Variants in SASH3 observed in about 807,000 individuals in gnomAD.
SASH3 encodes the protein SAM and SH3 domain containing 3, also known as SAM and SH3 domain-containing protein 3.
In SASH3, 7 loss-of-function variants were observed where a neutral mutation model predicts 26.1. The observed-to-expected ratio is 0.27, with a 90% CI of 0.15 to 0.50. SASH3 has a LOEUF of 0.50. Among genes scored for constraint, SASH3 ranks in the 20% least tolerant of loss-of-function variants. The pLI is 0.98. For missense variants in SASH3, 231 were observed against 318.3 expected (o/e 0.73, Z 2.09); for synonymous variants, 138 against 136.8 (o/e 1.01, Z -0.06).
At chrX:129,788,137 G>GGGGGGGGGGGGGGGGGGGGGGGGCTGGC in intron 2 of SASH3, 67 bp downstream of exon 2, 2 of 354,275 alleles carry the variant, frequency 5.6e-6, no homozygotes, top group Non-Finnish European at 5.4e-6. Context: ...GGGTGGGAGG[G>GGGGGGGGGGGGGGGGGGGGGGGGCTGGC]AAGAGGGTGA....
chrX:129,783,868 G>C (rs1187222901), intron 1 of SASH3, among the ~76,000 whole-genome samples: 2 of 111,843 alleles, frequency 1.8e-5, no homozygotes, highest in Admixed American at 9.5e-5. Context: ...GGACCTCTGA[G>C]AGATTGATCA....
intron 4 of SASH3, among the ~76,000 whole-genome samples, chrX:129,791,694 G>T (rs945796010): frequency 1.8e-5 from 2 of 112,062 alleles, no homozygotes; most frequent in African/African-American, 6.5e-5. Context: ...TGCCCCTCAA[G>T]TCCACTCCAA....
At chrX:129,788,137 G>GGGGGTGGC in intron 2 of SASH3, 67 bp downstream of exon 2, 3 of 354,258 alleles carry the variant, frequency 8.5e-6, no homozygotes, top group East Asian at 6.3e-5. Flanking sequence ...GGGTGGGAGG[G>GGGGGTGGC]AAGAGGGTGA....
intron 3 of SASH3, among the ~76,000 whole-genome samples, chrX:129,789,529 C>T (rs1219659718): frequency 1.8e-5 from 2 of 110,832 alleles, no homozygotes; most frequent in African/African-American, 3.3e-5. Flanking sequence ...CCCAGATACT[C>T]GGGAGGCTAA....
chrX:129,780,037 A>C lies in SASH3; in HGVS notation c.-61A>C. On this transcript the variant is annotated 5_prime_UTR_variant, in exon 1 of 8. Coordinates refer to ENST00000356892, the MANE Select transcript of SASH3 (RefSeq NM_018990.4). ...CGGGCAGTTCTGGTGAGGCTAAGCA[A>C]GAGGCCTCTGCATCTTGACACCTAG... The C allele has an allele frequency of 1.8e-6, 2 of 1,113,088 alleles. No individual in the cohort carries two copies. Among genetic ancestry groups the C allele is most frequent in the Non-Finnish European group, 2.5e-6 (2 of 807,618 alleles). The allele number at this position is 1,113,088 out of a possible 1,213,427, so 91.7% of individuals were successfully genotyped here. A position where few individuals can be genotyped will look rare whatever the true frequency, so the allele number is the denominator to read the frequency against.
At position 129,790,990 on chromosome X, in the gene SASH3, C is replaced by T. The variant is rs773595900; in HGVS notation, c.351C>T (p.Ser117=). 5.0e-6 allele frequency: 6 copies of T among 1,208,880 alleles called. No individual in the cohort carries two copies. The part of the protein sequence containing the change: ...GSASPTSPDY[S]LDSPGPEKMA... ...CCTCCCCGACATCTCCAGACTACAG[C>T]CTGGACAGCCCTGGCCCTGAGAAGA... Residue 117 remains serine, a synonymous_variant, in exon 4 of 8, where the codon AGC becomes AGT. Transcript: ENST00000356892.
At chrX:129,783,614 G>A (rs898305802) in intron 1 of SASH3, among the ~76,000 whole-genome samples, 3 of 112,185 alleles carry the variant, frequency 2.7e-5, no homozygotes, top group African/African-American at 9.7e-5. Context: ...AATATGATGC[G>A]GGGCTGCGAT....
At chrX:129,790,377 G>C (rs1488820457) in intron 3 of SASH3, among the ~76,000 whole-genome samples, 2 of 109,931 alleles carry the variant, frequency 1.8e-5, no homozygotes, top group African/African-American at 6.6e-5. Context: ...GTGAGGTAGG[G>C]GGAGCTCTGG....
In SASH3 at chrX:129,780,257, G is replaced by A. The variant is rs1485365905; in HGVS notation, c.57+103G>A. ...GGAAGAGCCAAAGGCCATATGTTGAGTCTGTAGGTGAGGGCCACTCACCTA... is the reference window on the plus strand; with the variant it reads ...GGAAGAGCCAAAGGCCATATGTTGAATCTGTAGGTGAGGGCCACTCACCTA... On this transcript the variant is annotated intron_variant, in intron 1 of 7. Coordinates refer to ENST00000356892, the MANE Select transcript of SASH3 (RefSeq NM_018990.4). 8 of 770,626 alleles carry A rather than the reference G, an allele frequency of 1.0e-5. No homozygotes were observed. The East Asian group carries it at 1.4e-4, about 13-fold the overall frequency. The allele number at this position is 770,626 out of a possible 1,213,427, so 63.5% of individuals were successfully genotyped here.
At chrX:129,783,133 A>G (rs1927046199) in intron 1 of SASH3, among the ~76,000 whole-genome samples, 1 of 111,325 alleles carries the variant, frequency 9.0e-6, no homozygotes, top group African/African-American at 3.3e-5. Flanking sequence ...CTCACTGCCC[A>G]CAGGATACAT....
Position 129,780,036 on chromosome X carries a change from A to C in SASH3, c.-62A>C. 1 of 1,131,709 alleles carries C rather than the reference A, an allele frequency of 8.8e-7. No homozygotes were observed. 93.3% of individuals were successfully genotyped at this position (1,131,709 alleles called of 1,213,427 possible). On this transcript the variant is annotated 5_prime_UTR_variant, in exon 1 of 8. Coordinates refer to ENST00000356892, the MANE Select transcript of SASH3 (RefSeq NM_018990.4). ...CCGGGCAGTTCTGGTGAGGCTAAGC[A>C]AGAGGCCTCTGCATCTTGACACCTA...
intron 2 of SASH3, 63 bp downstream of exon 2, chrX:129,788,133 G>GGGGGGGT: frequency 1.6e-5 from 5 of 312,627 alleles, no homozygotes; most frequent in East Asian, 1.6e-4. Flanking sequence ...GTGGGGGTGG[G>GGGGGGGT]AGGGAAGAGG....
rs377571667 is a variant in SASH3 at position 129,792,743 on chromosome X, C to T, written c.708C>T (p.Ala236=). ...ATGTGGATGTGCTGCCCGAGGAGGC[C>T]GTGGGGCATGCCCGCCCCAGCCGCC... ...FIYVDVLPEE[A]VGHARPSRRQ... Residue 236 remains alanine (A), a synonymous_variant, in exon 6 of 8, where the codon GCC becomes GCT. Coordinates refer to ENST00000356892, the MANE Select transcript of SASH3 (RefSeq NM_018990.4). 3.9e-5 allele frequency: 47 copies of T among 1,208,405 alleles called. No individual in the cohort carries two copies. Among genetic ancestry groups the T allele is most frequent in the South Asian group, 5.3e-5 (3 of 56,772 alleles).
At chrX:129,791,340 C>A (rs922707172) in intron 4 of SASH3, among the ~76,000 whole-genome samples, 1 of 112,071 alleles carries the variant, frequency 8.9e-6, no homozygotes, top group African/African-American at 3.2e-5. Flanking sequence ...CAGTCTTGAA[C>A]TCAGATGTAC....
intron 2 of SASH3, 91 bp downstream of exon 2, chrX:129,788,161 T>C (rs990114627): frequency 2.8e-6 from 2 of 720,487 alleles, no homozygotes; most frequent in Admixed American, 3.2e-5. Flanking sequence ...GGAGATAGAA[T>C]TGTTGGGGCG....
At chrX:129,787,266 G>A (rs1927125897) in intron 1 of SASH3, among the ~76,000 whole-genome samples, 1 of 112,603 alleles carries the variant, frequency 8.9e-6, no homozygotes, top group South Asian at 3.6e-4. Flanking sequence ...ACTATTGCCA[G>A]CTCATCACAT....
intron 3 of SASH3, among the ~76,000 whole-genome samples, chrX:129,789,161 GAAAGAGAAA>G (rs1927179212): frequency 3.3e-5 from 2 of 61,456 alleles, no homozygotes; most frequent in African/African-American, 8.7e-5. Context: ...AAGAAAGAAA[GAAAGAGAAA>G]AAAAAAAAAA....
intron 7 of SASH3, 44 bp downstream of exon 7, chrX:129,793,183 G>A (rs768492612): frequency 2.5e-5 from 30 of 1,195,581 alleles, no homozygotes; most frequent in Non-Finnish European, 2.8e-5. Flanking sequence ...TGTGCCCACC[G>A]GCATTCCAGG....
Position 129,790,887 on chromosome X carries a change from T to A in SASH3, c.301-53T>A, listed in dbSNP as rs1927216693. ...TAAGCCCAGGCCCATTTCTTCAGCT[T>A]CATGCACACCCCAGCAAGGCTCCTT... On this transcript the variant is annotated intron_variant, in intron 3 of 7. Coordinates refer to ENST00000356892, the MANE Select transcript of SASH3 (RefSeq NM_018990.4). 12 of 1,175,972 alleles carry A rather than the reference T, an allele frequency of 1.0e-5. No individual in the cohort carries two copies. In the South Asian group the frequency reaches 2.3e-4, roughly 23 times the overall value.
Sources: gnomAD v4.1 joint callset for allele counts (sites outside exome capture counted in the v4.1 genomes callset) on GRCh38, gnomAD v4.1.1 for gene constraint, MANE v1.5 for transcripts, NCBI Gene and HGNC (gene_info 2026-07-23, HGNC 2026-07-21) for gene names.